IKBIP: variants seen among roughly 807,000 people sequenced by gnomAD.
The protein encoded by IKBIP is inhibitor of nuclear factor kappa-B kinase-interacting protein.
Under a neutral mutation model 31.0 loss-of-function variants are expected in IKBIP, and 28 were observed. The observed-to-expected ratio is 0.90, with a 90% CI of 0.67 to 1.24. IKBIP has a LOEUF of 1.24. Among genes scored for constraint, IKBIP ranks in the 50% most tolerant of loss-of-function variants. The pLI, the probability that IKBIP is intolerant of heterozygous loss-of-function variation, is 0.00. For synonymous variants in IKBIP, 164 were observed against 160.3 expected, an observed-to-expected ratio of 1.02 and a Z score of -0.17; for missense variants, 453 against 441.9, an observed-to-expected ratio of 1.03 and a Z score of -0.23.
chr12:98,621,862 G>C (rs1326671459), downstream of IKBIP, among the ~76,000 whole-genome samples: 1 of 151,924 alleles, frequency 6.6e-6, no homozygotes, highest in African/African-American at 2.4e-5. Flanking sequence ...CGGATCACGA[G>C]GTCAAGAGAT....
At chr12:98,640,341 G>A (rs1232536643) in intron 1 of IKBIP, among the ~76,000 whole-genome samples, 1 of 152,162 alleles carries the variant, frequency 6.6e-6, no homozygotes, top group Admixed American at 6.5e-5. Context: ...GGCTGAGGCA[G>A]GAGAATTGCT....
At chr12:98,641,537 G>A (rs1463277329) in intron 1 of IKBIP, among the ~76,000 whole-genome samples, 2 of 152,082 alleles carry the variant, frequency 1.3e-5, no homozygotes, top group African/African-American at 4.8e-5. Flanking sequence ...TAAATATTTT[G>A]CAATAAACAG....
At chr12:98,633,229 A>G (rs1189700638) in intron 2 of IKBIP, among the ~76,000 whole-genome samples, 5 of 152,184 alleles carry the variant, frequency 3.3e-5, no homozygotes, top group African/African-American at 1.2e-4. Context: ...ACAAAAAGCC[A>G]TATTTCCCAA....
intron 1 of IKBIP, among the ~76,000 whole-genome samples, chr12:98,639,427 T>A (rs930773403): frequency 6.6e-6 from 1 of 152,140 alleles, no homozygotes; most frequent in Non-Finnish European, 1.5e-5. Context: ...TAACTCTCGT[T>A]TTTGGGCCTC....
Position 98,626,079 on chromosome 12 carries a change from G to A in IKBIP, c.985C>T (p.Gln329Ter). The change falls in exon 3 of 3, where the codon CAG (glutamine) becomes TAG (stop). Residue 329 changes from glutamine (Q) to a stop codon, truncating the protein, a stop_gained. Coordinates refer to ENST00000299157, the MANE Select transcript of IKBIP (RefSeq NM_153687.4). LOFTEE classifies it high-confidence loss of function. ...ATCTTTAATATGCTATTATCATACTGAATTCCTTCAAGGGTTTTCTGCATC... is the reference window on the plus strand; with the variant it reads ...ATCTTTAATATGCTATTATCATACTAAATTCCTTCAAGGGTTTTCTGCATC... ...MEMQKTLEGI[Q>*]YDNSILKMQN... 1 of 1,599,642 alleles carries A rather than the reference G, an allele frequency of 6.3e-7. No homozygotes were observed. The highest frequency in any genetic ancestry group is 8.5e-7 in the Non-Finnish European group (1 of 1,172,588).
At position 98,618,676 on chromosome 12, in the gene IKBIP, T is replaced by A. The variant is rs140051034; in HGVS notation, c.298-4336A>T. On this transcript the variant is annotated intron_variant, in intron 2 of 2. Coordinates refer to the IKBIP transcript ENST00000342502. ...GGGGGTCTCACTATGCTGCCCAGGC[T>A]GGTCTTGAACTCCTGGCTCAAGTGA... Among the ~76,000 whole-genome samples, 1,449 of 151,546 alleles carry A rather than the reference T, an allele frequency of 9.6e-3. 19 individuals are homozygous for A. Among genetic ancestry groups the A allele is most frequent in the African/African-American group, 0.034 (1,389 of 41,342 alleles).
intron 1 of IKBIP, 128 bp from the exon 2 acceptor site, chr12:98,634,541 T>C: frequency 1.8e-6 from 1 of 568,146 alleles, no homozygotes; most frequent in Non-Finnish European, 3.1e-6. Flanking sequence ...TAGGTTTTTT[T>C]TTTTTTTTTT....
At position 98,633,379 on chromosome 12, in the gene IKBIP, G is replaced by A. The variant is rs552519250; in HGVS notation, c.297+917C>T. 2.6e-5 allele frequency among the ~76,000 whole-genome samples: 4 copies of A among 151,952 alleles called. No individual in the cohort carries two copies. In the East Asian group the frequency reaches 5.8e-4, roughly 22 times the overall value. On this transcript the variant is annotated intron_variant, in intron 2 of 2. Transcript: ENST00000299157. ...CATTTCTAAGAATCACAGTAATAAC[G>A]CATCTGGTAGAAATCAGCAACTTGA...
downstream of IKBIP, among the ~76,000 whole-genome samples, chr12:98,622,144 G>T (rs905418136): frequency 9.9e-5 from 15 of 151,890 alleles, no homozygotes; most frequent in Admixed American, 2.6e-4. Flanking sequence ...ATACGTGTGG[G>T]TATGTCATTT....
downstream of IKBIP, among the ~76,000 whole-genome samples, chr12:98,622,749 A>C (rs182252718): frequency 2.8e-3 from 422 of 152,258 alleles, 1 homozygote; most frequent in Middle Eastern, 0.014. Flanking sequence ...AAGAAAAATA[A>C]TACTACTAAT....
intron 1 of IKBIP, among the ~76,000 whole-genome samples, chr12:98,640,381 G>C (rs1003391397): frequency 6.6e-6 from 1 of 151,904 alleles, no homozygotes; most frequent in Non-Finnish European, 1.5e-5. Flanking sequence ...TGGAGGTTGC[G>C]GTGAGCTGAG....
downstream of IKBIP, among the ~76,000 whole-genome samples, chr12:98,621,888 C>A (rs1471096214): frequency 1.3e-5 from 2 of 151,802 alleles, no homozygotes; most frequent in Admixed American, 1.3e-4. Context: ...CCATCCTGGC[C>A]AACATGGAGA....
intron 1 of IKBIP, among the ~76,000 whole-genome samples, chr12:98,639,089 G>A (rs2097628315): frequency 6.6e-6 from 1 of 152,116 alleles, no homozygotes; most frequent in Non-Finnish European, 1.5e-5. Context: ...TGTCCAGGCT[G>A]AAGTGCAGTG....
chr12:98,626,241 T>C lies in IKBIP; in HGVS notation c.823A>G (p.Thr275Ala), dbSNP rs200998183. The C allele has an allele frequency of 8.7e-6, 14 of 1,614,214 alleles. No individual in the cohort carries two copies. In the East Asian group the frequency reaches 8.9e-5, roughly 10 times the overall value. ...KVEECKTHLP[T>A]IESAIHSVLR... ...ACAGAGTGAATAGCACTTTCAATTGTTGGCAAATGTGTCTTGCATTCTTCA... is the reference window on the plus strand; with the variant it reads ...ACAGAGTGAATAGCACTTTCAATTGCTGGCAAATGTGTCTTGCATTCTTCA... Residue 275 changes from threonine (T) to alanine (A), a missense_variant, in exon 3 of 3, where the codon ACA (threonine) becomes GCA (alanine). Transcript: ENST00000299157.
chr12:98,638,899 G>T (rs1168062841), intron 1 of IKBIP, among the ~76,000 whole-genome samples: 1 of 152,164 alleles, frequency 6.6e-6, no homozygotes, highest in Admixed American at 6.6e-5. Flanking sequence ...CTCTCGCCTT[G>T]GCCTCCTAAA....
chr12:98,624,261 C>CT lies in IKBIP; in HGVS notation c.*1668dup. 1.0e-6 allele frequency: 1 copy of CT among 970,438 alleles called. No homozygotes were observed. The highest frequency in any genetic ancestry group is 1.2e-6 in the Non-Finnish European group (1 of 816,346). 60.1% of individuals were successfully genotyped at this position (970,438 alleles called of 1,614,324 possible). A position where few individuals can be genotyped will look rare whatever the true frequency, so the allele number is the denominator to read the frequency against. ...ACAAAGTTCCAGCTTACTTTATAAT[C>CT]TATTTTATTACCATTAATATAAAAG... is the stretch of plus-strand genomic sequence containing the variant. On this transcript the variant is annotated 3_prime_UTR_variant, in exon 3 of 3. Transcript: ENST00000299157.
chr12:98,614,531 T>A (rs1272270965), intron 2 of IKBIP, among the ~76,000 whole-genome samples: 1 of 152,110 alleles, frequency 6.6e-6, no homozygotes, highest in African/African-American at 2.4e-5. Flanking sequence ...TTCCAGCGAT[T>A]TTCCTGACTC....
chr12:98,634,437 T>C (rs2097623871), intron 1 of IKBIP, 24 bp from the exon 2 acceptor site: 1 of 1,130,656 alleles, frequency 8.8e-7, no homozygotes, highest in Non-Finnish European at 1.3e-6. Flanking sequence ...GAAAAATCAC[T>C]ATTCTCCAAT....
chr12:98,635,570 T>A (rs1283770842), intron 1 of IKBIP, among the ~76,000 whole-genome samples: 1 of 152,176 alleles, frequency 6.6e-6, no homozygotes, highest in East Asian at 1.9e-4. Context: ...GAGGACAAAG[T>A]GAAAAATTTA....
Sources: gnomAD v4.1 joint callset for allele counts (sites outside exome capture counted in the v4.1 genomes callset) on GRCh38, gnomAD v4.1.1 for gene constraint, MANE v1.5 for transcripts, NCBI Gene and HGNC (gene_info 2026-07-23, HGNC 2026-07-21) for gene names.